TASP1: variants seen among roughly 807,000 people sequenced by gnomAD.
TASP1 encodes the protein threonine aspartase 1.
Under a neutral mutation model 56.6 loss-of-function variants are expected in TASP1, and 16 were observed. That is an observed-to-expected ratio of 0.28 (90% CI 0.19 to 0.43). The LOEUF (loss-of-function observed/expected upper bound fraction) is 0.43. Among genes scored for constraint, TASP1 ranks in the 20% least tolerant of loss-of-function variants. TASP1 has a pLI of 1.00. For synonymous variants in TASP1, 179 were observed against 184.2 expected (o/e 0.97, Z 0.23); for missense variants, 393 against 511.6 (o/e 0.77, Z 2.24).
chr20:13,407,395 A>G (rs1305231514), intron 13 of TASP1, among the ~76,000 whole-genome samples: 1 of 152,216 alleles, frequency 6.6e-6, no homozygotes, highest in African/African-American at 2.4e-5. Flanking sequence ...AAGCTACAGT[A>G]TATATCTGCA....
chr20:13,434,903 G>C, intron 12 of TASP1, 141 bp downstream of exon 12: 1 of 543,334 alleles, frequency 1.8e-6, no homozygotes, highest in Non-Finnish European at 3.3e-6. Context: ...AAAAAGATCA[G>C]TAGAACAGGG....
intron 11 of TASP1, among the ~76,000 whole-genome samples, chr20:13,478,684 T>C (rs1205392760): frequency 6.6e-6 from 1 of 152,050 alleles, no homozygotes; most frequent in East Asian, 1.9e-4. Flanking sequence ...AATACATCCA[T>C]GTAGCAAAAC....
the TASP1 span, chr20:13,299,318 G>A: frequency 6.2e-7 from 1 of 1,613,860 alleles, no homozygotes; most frequent in Non-Finnish European, 8.5e-7. The surrounding 1 kb of genome is among the most constrained non-coding windows in gnomAD (Gnocchi z 5.8). Flanking sequence ...ACTACAAGGT[G>A]GACGTCCTGC....
At chr20:13,596,668 G>C (rs1344413059) in intron 4 of TASP1, among the ~76,000 whole-genome samples, 1 of 152,090 alleles carries the variant, frequency 6.6e-6, no homozygotes. Flanking sequence ...AGAAGGCAAA[G>C]AAATAACTAA....
chr20:13,268,279 CTCTT>C, the TASP1 span, among the ~76,000 whole-genome samples: 115 of 151,554 alleles, frequency 7.6e-4, 1 homozygote, highest in African/African-American at 2.4e-3. Flanking sequence ...CTCGCTCCTT[CTCTT>C]TCTTTCTTCT....
At chr20:13,563,876 A>T (rs138652507) in intron 7 of TASP1, among the ~76,000 whole-genome samples, 1 of 152,294 alleles carries the variant, frequency 6.6e-6, no homozygotes, top group Admixed American at 6.5e-5. Flanking sequence ...ACACCAAACC[A>T]GAAATAGAAA....
chr20:13,330,450 A>G, the TASP1 span, among the ~76,000 whole-genome samples: 1 of 148,936 alleles, frequency 6.7e-6, no homozygotes, highest in African/African-American at 2.4e-5. Context: ...TTGCATCTAT[A>G]TTTATGAGAG....
chr20:13,396,132 A>T (rs1395981680), intron 13 of TASP1, among the ~76,000 whole-genome samples: 1 of 151,680 alleles, frequency 6.6e-6, no homozygotes, highest in Non-Finnish European at 1.5e-5. Flanking sequence ...GGGCTTTTAC[A>T]TTTTTTTCTC....
At chr20:13,280,727 G>A in the TASP1 span, among the ~76,000 whole-genome samples, 1 of 152,204 alleles carries the variant, frequency 6.6e-6, no homozygotes, top group Non-Finnish European at 1.5e-5. Context: ...CAGATCTACT[G>A]AAATTCTGTT....
chr20:13,428,395 T>C (rs1485308247), intron 12 of TASP1, among the ~76,000 whole-genome samples: 2 of 152,222 alleles, frequency 1.3e-5, no homozygotes, highest in African/African-American at 4.8e-5. Flanking sequence ...TTGGTATGCC[T>C]GCCTTTGTTT....
the TASP1 span, chr20:13,117,674 C>G: frequency 1.2e-6 from 2 of 1,613,802 alleles, no homozygotes; most frequent in South Asian, 2.2e-5. Flanking sequence ...TGCTCATGGG[C>G]ACATTCACCA....
At chr20:13,328,963 T>C in the TASP1 span, among the ~76,000 whole-genome samples, 1 of 152,068 alleles carries the variant, frequency 6.6e-6, no homozygotes, top group East Asian at 1.9e-4. Context: ...AAAATAAAAA[T>C]TGAATTTAAA....
the TASP1 span, among the ~76,000 whole-genome samples, chr20:13,255,104 A>G: frequency 2.0e-5 from 3 of 152,200 alleles, no homozygotes; most frequent in African/African-American, 7.2e-5. Flanking sequence ...CAAATTAAAT[A>G]AGCAGAATGA....
At chr20:13,598,343 C>T (rs997802771) in intron 4 of TASP1, among the ~76,000 whole-genome samples, 1 of 152,080 alleles carries the variant, frequency 6.6e-6, no homozygotes, top group African/African-American at 2.4e-5. Flanking sequence ...ATATATAGAC[C>T]AATGGAACAG....
At chr20:13,615,705 G>C (rs1173581390) in intron 4 of TASP1, among the ~76,000 whole-genome samples, 2 of 151,760 alleles carry the variant, frequency 1.3e-5, no homozygotes, top group South Asian at 4.2e-4. Context: ...GGGTTTCACC[G>C]TGTTAGCCAG....
At chr20:13,112,007 C>T in the TASP1 span, among the ~76,000 whole-genome samples, 1 of 152,206 alleles carries the variant, frequency 6.6e-6, no homozygotes, top group East Asian at 1.9e-4. Flanking sequence ...CAGCTCCAAG[C>T]CAGAGTGGTA....
intron 12 of TASP1, among the ~76,000 whole-genome samples, chr20:13,431,442 T>G (rs965015766): frequency 6.6e-6 from 1 of 152,200 alleles, no homozygotes; most frequent in South Asian, 2.1e-4. Context: ...TTCTAGGGTA[T>G]GCAGTGAGCA....
chr20:13,344,700 T>C, the TASP1 span, among the ~76,000 whole-genome samples: 1 of 152,130 alleles, frequency 6.6e-6, no homozygotes, highest in Admixed American at 6.5e-5. Context: ...TGAAGCCAAG[T>C]TCCCCGGCAT....
intron 11 of TASP1, among the ~76,000 whole-genome samples, chr20:13,438,449 C>A (rs2043093701): frequency 6.6e-6 from 1 of 152,096 alleles, no homozygotes; most frequent in South Asian, 2.1e-4. Flanking sequence ...ACTGGCTAGC[C>A]ATATGTAGAA....
Sources: gnomAD v4.1 joint callset for allele counts (sites outside exome capture counted in the v4.1 genomes callset) on GRCh38, gnomAD v4.1.1 for gene constraint, Gnocchi (gnomAD v3.1) non-coding constraint, MANE v1.5 for transcripts, NCBI Gene and HGNC (gene_info 2026-07-23, HGNC 2026-07-21) for gene names.